Variants in MCC observed in about 807,000 individuals in gnomAD.
MCC encodes the protein MCC regulator of Wnt signaling pathway.
In MCC, 90 loss-of-function variants were observed where a neutral mutation model predicts 116.2. The observed-to-expected ratio is 0.77, with a 90% CI of 0.65 to 0.92. MCC has a LOEUF of 0.92. Among genes scored for constraint, MCC ranks in the 40% least tolerant of loss-of-function variants. MCC has a pLI of 0.00. For synonymous variants in MCC, 578 were observed against 510.5 expected (o/e 1.13, Z -1.78); for missense variants, 1,516 against 1,312.2 (o/e 1.16, Z -2.40).
intron 6 of MCC, among the ~76,000 whole-genome samples, chr5:113,107,210 TTTTTTTTTTTC>T: frequency 1.6e-5 from 2 of 128,618 alleles, no homozygotes; most frequent in African/African-American, 8.3e-5. Context: ...ATGTTTTTCT[TTTTTTTTTTTC>T]TTTTTTTTTT....
At chr5:113,366,302 C>A (rs1768685611) in intron 2 of MCC, among the ~76,000 whole-genome samples, 1 of 151,894 alleles carries the variant, frequency 6.6e-6, no homozygotes, top group Non-Finnish European at 1.5e-5. Context: ...TTGATAATTT[C>A]AATAAATGAA....
chr5:113,049,199 T>C lies in MCC; in HGVS notation c.2549A>G (p.Tyr850Cys), dbSNP rs766401929. ...CTTCAGGTGCTCAATGTGCACCAGGTAGGCCTGCTCCTGGGCCTCCCGCGT... is the reference window on the plus strand; with the variant it reads ...CTTCAGGTGCTCAATGTGCACCAGGCAGGCCTGCTCCTGGGCCTCCCGCGT... ...LSTREAQEQA[Y>C]LVHIEHLKSE... Residue 850 changes from tyrosine (Y) to cysteine (C), a missense_variant, in exon 16 of 19, where the codon TAC becomes TGC. Transcript: ENST00000408903. 8 of 1,614,068 alleles carry C rather than the reference T, an allele frequency of 5.0e-6. No individual in the cohort carries two copies. The African/African-American group carries it at 9.3e-5, about 19-fold the overall frequency.
intron 10 of MCC, 121 bp downstream of exon 10, chr5:113,083,980 T>G: frequency 1.4e-6 from 1 of 721,418 alleles, no homozygotes; most frequent in Non-Finnish European, 2.4e-6. Context: ...CAGGTATGAT[T>G]TACTATTATA....
At chr5:113,086,791 A>T (rs1158272746) in intron 8 of MCC, among the ~76,000 whole-genome samples, 2 of 152,238 alleles carry the variant, frequency 1.3e-5, no homozygotes, top group Non-Finnish European at 2.9e-5. Flanking sequence ...GGCTGGGAAG[A>T]GTTAGCACTA....
rs1426661283 is a variant in MCC, at chr5:113,294,561, G to A, written c.627+45958C>T. 3.0e-6 allele frequency: 4 copies of A among 1,327,454 alleles called. No individual in the cohort carries two copies. In the African/African-American group the frequency reaches 6.0e-5, roughly 20 times the overall value. The allele number at this position is 1,327,454 out of a possible 1,614,324, so 82.2% of individuals were successfully genotyped here. Reference sequence around the variant, plus strand: ...GAGGATGCAGGCACTCTTAAAAAGAGCAGCCGTGGCTCGCGTTTCACGGAC... The same window carrying A: ...GAGGATGCAGGCACTCTTAAAAAGAACAGCCGTGGCTCGCGTTTCACGGAC... On this transcript the variant is annotated intron_variant, in intron 3 of 18. Coordinates refer to ENST00000408903, the MANE Select transcript of MCC (RefSeq NM_001085377.2).
At chr5:113,398,726 C>G (rs1200767467) in intron 1 of MCC, among the ~76,000 whole-genome samples, 1 of 152,190 alleles carries the variant, frequency 6.6e-6, no homozygotes, top group African/African-American at 2.4e-5. Flanking sequence ...TTATTGGGTA[C>G]TATGTTCACT....
intron 17 of MCC, among the ~76,000 whole-genome samples, chr5:113,042,926 A>G (rs1751817751): frequency 6.6e-6 from 1 of 152,200 alleles, no homozygotes; most frequent in South Asian, 2.1e-4. Flanking sequence ...ACAAGTACAT[A>G]TGTGGTTCAC....
intron 2 of MCC, among the ~76,000 whole-genome samples, chr5:113,381,741 T>C (rs1319219469): frequency 1.3e-5 from 2 of 152,096 alleles, no homozygotes; most frequent in Non-Finnish European, 2.9e-5. Flanking sequence ...TGAGCCATGA[T>C]TGCACCACTG....
intron 1 of MCC, among the ~76,000 whole-genome samples, chr5:113,459,857 C>CACACACACAG (rs1222829520): frequency 6.8e-6 from 1 of 146,532 alleles, no homozygotes; most frequent in Admixed American, 6.8e-5. Context: ...CACACACACA[C>CACACACACAG]AGGCATGCAT....
Position 113,402,293 on chromosome 5 carries a change from C to CAAGA in MCC, c.171-17082_171-17081insTCTT, listed in dbSNP as rs530040183. ...TGGGCAACAGAGCCAGACTCCGTCT[C>CAAGA]AAAAAAAAAAAAAAAAAACACACTC... On this transcript the variant is annotated intron_variant, in intron 1 of 18. Transcript: ENST00000408903. Among the ~76,000 whole-genome samples the CAAGA allele has an allele frequency of 7.8e-4, 75 of 96,626 alleles. 1 individual carries two copies. In the Middle Eastern group the frequency reaches 0.022, roughly 28 times the overall value. The allele number at this position is 96,626 out of a possible 152,430, so 63.4% of individuals were successfully genotyped here.
At chr5:113,065,794 G>A (rs2150230799) in intron 13 of MCC, among the ~76,000 whole-genome samples, 1 of 152,338 alleles carries the variant, frequency 6.6e-6, no homozygotes, top group African/African-American at 2.4e-5. Context: ...ATGGCATGAT[G>A]GGTGGCATGA....
chr5:113,094,097 C>T (rs566447149), intron 8 of MCC, among the ~76,000 whole-genome samples: 1 of 152,200 alleles, frequency 6.6e-6, no homozygotes, highest in Non-Finnish European at 1.5e-5. Context: ...CCGAGAACCA[C>T]ACCTCTTATT....
chr5:113,160,951 G>A (rs1375213295), intron 3 of MCC, among the ~76,000 whole-genome samples: 1 of 152,028 alleles, frequency 6.6e-6, no homozygotes, highest in Non-Finnish European at 1.5e-5. Flanking sequence ...AAAAGGAAAG[G>A]TTATTACCTT....
intron 3 of MCC, among the ~76,000 whole-genome samples, chr5:113,218,338 T>C (rs937246296): frequency 2.0e-5 from 3 of 152,160 alleles, no homozygotes; most frequent in African/African-American, 7.2e-5. Flanking sequence ...TTTTTGTCAC[T>C]GGGCTTTCGG....
At chr5:113,473,033 G>A (rs145768837) in intron 1 of MCC, among the ~76,000 whole-genome samples, 122 of 152,258 alleles carry the variant, frequency 8.0e-4, no homozygotes, top group African/African-American at 2.8e-3. Context: ...TCTAGCAGGC[G>A]AAAGAAGCAG....
chr5:113,236,751 C>T (rs888255205), intron 3 of MCC, among the ~76,000 whole-genome samples: 1 of 152,110 alleles, frequency 6.6e-6, no homozygotes, highest in African/African-American at 2.4e-5. Flanking sequence ...CAGAAGAATA[C>T]ACAGAGAGGA....
At chr5:113,123,923 G>A (rs748994311) in intron 5 of MCC, among the ~76,000 whole-genome samples, 4 of 152,202 alleles carry the variant, frequency 2.6e-5, no homozygotes, top group Non-Finnish European at 4.4e-5. Context: ...AGTCTACAGT[G>A]TTGGATTCTG....
chr5:113,295,942 T>C (rs1766697798), intron 3 of MCC, among the ~76,000 whole-genome samples: 2 of 152,242 alleles, frequency 1.3e-5, no homozygotes, highest in African/African-American at 4.8e-5. Context: ...AAAGCCATTG[T>C]ATTGTCAACT....
At chr5:113,173,218 C>T (rs965308986) in intron 3 of MCC, among the ~76,000 whole-genome samples, 11 of 152,278 alleles carry the variant, frequency 7.2e-5, no homozygotes, top group African/African-American at 2.4e-4. Flanking sequence ...ACATCCTCCA[C>T]CCCACTCAGA....
Sources: allele counts gnomAD v4.1 joint callset (sites outside exome capture counted in the v4.1 genomes callset), GRCh38; gene constraint gnomAD v4.1.1; transcripts MANE v1.5; gene names NCBI Gene and HGNC (gene_info 2026-07-23, HGNC 2026-07-21).